Variants in TMTC2 observed in about 807,000 individuals in gnomAD.
TMTC2 encodes the protein protein O-mannosyl-transferase TMTC2.
In TMTC2, 43 loss-of-function variants were observed where a neutral mutation model predicts 82.4. That is an observed-to-expected ratio of 0.52 (90% CI 0.41 to 0.67). The LOEUF (loss-of-function observed/expected upper bound fraction) is 0.67. Among genes scored for constraint, TMTC2 ranks in the 30% least tolerant of loss-of-function variants. The pLI, the probability that TMTC2 is intolerant of heterozygous loss-of-function variation, is 0.00. For synonymous variants in TMTC2, 408 were observed against 381.9 expected, an observed-to-expected ratio of 1.07 and a Z score of -0.80; for missense variants, 919 against 1,012.4, an observed-to-expected ratio of 0.91 and a Z score of 1.25.
At chr12:82,819,968 C>T (rs992582997) in intron 1 of TMTC2, among the ~76,000 whole-genome samples, 4 of 152,130 alleles carry the variant, frequency 2.6e-5, no homozygotes, top group Non-Finnish European at 5.9e-5. Context: ...GAAGCTAGTC[C>T]AAGTCCCAAA....
chr12:82,982,007 C>CTT (rs755625157), intron 7 of TMTC2, among the ~76,000 whole-genome samples: 32 of 137,966 alleles, frequency 2.3e-4, no homozygotes, highest in African/African-American at 7.1e-4. Context: ...TTGACATTTG[C>CTT]TTTTTTTTTT....
intron 8 of TMTC2, among the ~76,000 whole-genome samples, chr12:83,002,840 A>T (rs952882242): frequency 6.6e-6 from 1 of 151,238 alleles, no homozygotes; most frequent in Non-Finnish European, 1.5e-5. Context: ...TCGCTCTTAG[A>T]GTATGTTCTA....
chr12:82,949,923 C>G (rs1434911091), intron 4 of TMTC2, among the ~76,000 whole-genome samples: 1 of 152,122 alleles, frequency 6.6e-6, no homozygotes, highest in Non-Finnish European at 1.5e-5. Flanking sequence ...TAGAGGTTGA[C>G]TGTCATTGGG....
intron 1 of TMTC2, among the ~76,000 whole-genome samples, chr12:82,846,168 G>A (rs1039912274): frequency 6.6e-6 from 1 of 152,014 alleles, no homozygotes; most frequent in Non-Finnish European, 1.5e-5. Context: ...AGACCAGCCT[G>A]GCCAACATGG....
intron 1 of TMTC2, among the ~76,000 whole-genome samples, chr12:82,775,863 T>C (rs1877564991): frequency 6.6e-6 from 1 of 151,948 alleles, no homozygotes; most frequent in South Asian, 2.1e-4. Flanking sequence ...CTTCGTTTGA[T>C]TTTTTCTCTG....
At chr12:82,913,366 T>A (rs1874810738) in intron 3 of TMTC2, among the ~76,000 whole-genome samples, 1 of 152,202 alleles carries the variant, frequency 6.6e-6, no homozygotes, top group South Asian at 2.1e-4. Flanking sequence ...CAGCTCATTC[T>A]CACATTGAGC....
In TMTC2 at chr12:82,798,013, C is replaced by T. The variant is rs1486868209; in HGVS notation, c.84-58997C>T. Among the ~76,000 whole-genome samples the T allele has an allele frequency of 2.0e-5, 3 of 148,296 alleles. 1 individual carries two copies. Among genetic ancestry groups the T allele is most frequent in the Non-Finnish European group, 4.5e-5 (3 of 67,314 alleles). On this transcript the variant is annotated intron_variant, in intron 1 of 11. Transcript: ENST00000321196. ...AGTGCAGTGGCGCGATCTCGGCTCA[C>T]TGCAAGCTCCGCCTCCCAGGTTCAC...
At chr12:83,022,460 A>G (rs111966688) in intron 8 of TMTC2, among the ~76,000 whole-genome samples, 1 of 146,068 alleles carries the variant, frequency 6.8e-6, no homozygotes, top group African/African-American at 2.5e-5. Context: ...TGTGTAAACT[A>G]AGGATTCCAC....
At chr12:83,103,733 A>G (rs1306384172) in intron 11 of TMTC2, among the ~76,000 whole-genome samples, 1 of 152,180 alleles carries the variant, frequency 6.6e-6, no homozygotes, top group Non-Finnish European at 1.5e-5. Context: ...ACTGCAAAAC[A>G]TAATCATGCC....
intron 3 of TMTC2, among the ~76,000 whole-genome samples, chr12:82,913,589 T>C (rs914572179): frequency 1.3e-5 from 2 of 152,194 alleles, no homozygotes; most frequent in Admixed American, 1.3e-4. Flanking sequence ...GTCATATTTT[T>C]TAATTGGTAA....
intron 2 of TMTC2, among the ~76,000 whole-genome samples, chr12:82,877,586 C>G (rs1872644657): frequency 6.6e-6 from 1 of 152,136 alleles, no homozygotes; most frequent in Non-Finnish European, 1.5e-5. Context: ...CTCTTTCTCC[C>G]TCTCTCATTT....
rs139584209 is a variant in TMTC2 at position 82,728,887 on chromosome 12, G to A, written c.83+41218G>A. 1.7e-3 allele frequency among the ~76,000 whole-genome samples: 264 copies of A among 152,336 alleles called. 2 individuals are homozygous for A. Among genetic ancestry groups the A allele is most frequent in the African/African-American group, 5.6e-3 (231 of 41,576 alleles). ...GAGCAGCCAGCCAGCCCGCTGCACT[G>A]GGCAGTGAGGAGCTTAGCACCTGGG... On this transcript the variant is annotated intron_variant, in intron 1 of 11. Transcript: ENST00000321196.
chr12:83,056,712 T>G (rs1882557936), intron 10 of TMTC2, among the ~76,000 whole-genome samples: 1 of 151,878 alleles, frequency 6.6e-6, no homozygotes, highest in Admixed American at 6.6e-5. Context: ...CACGCGAAAG[T>G]CACTGGATTT....
At chr12:82,942,159 A>G (rs1876758255) in intron 4 of TMTC2, among the ~76,000 whole-genome samples, 1 of 152,244 alleles carries the variant, frequency 6.6e-6, no homozygotes, top group South Asian at 2.1e-4. Flanking sequence ...TTGAAAACAT[A>G]TTTTAATTCA....
chr12:82,807,665 T>C (rs1879307488), intron 1 of TMTC2, among the ~76,000 whole-genome samples: 1 of 152,076 alleles, frequency 6.6e-6, no homozygotes, highest in African/African-American at 2.4e-5. Context: ...GGAAGCATCA[T>C]GTGAGGTAGA....
At chr12:83,057,837 AACT>A in intron 10 of TMTC2, among the ~76,000 whole-genome samples, 2 of 152,020 alleles carry the variant, frequency 1.3e-5, no homozygotes, top group Admixed American at 1.3e-4. Flanking sequence ...GACAATTCAC[AACT>A]ATCAATAATT....
chr12:83,032,290 T>C (rs1451877359), intron 9 of TMTC2, among the ~76,000 whole-genome samples: 2 of 111,526 alleles, frequency 1.8e-5, no homozygotes, highest in Non-Finnish European at 3.7e-5. Flanking sequence ...TATATATATA[T>C]ATATAGGTTT....
chr12:82,732,103 G>T (rs1874845429), intron 1 of TMTC2, among the ~76,000 whole-genome samples: 1 of 152,116 alleles, frequency 6.6e-6, no homozygotes, highest in African/African-American at 2.4e-5. Flanking sequence ...TGTTTTACAG[G>T]TGTTATATTT....
chr12:83,039,693 C>A (rs1343811625), intron 9 of TMTC2, among the ~76,000 whole-genome samples: 1 of 151,950 alleles, frequency 6.6e-6, no homozygotes, highest in Non-Finnish European at 1.5e-5. Context: ...CTTTACAGGG[C>A]CATTTGTGCT....
Sources: gnomAD v4.1 joint callset for allele counts (sites outside exome capture counted in the v4.1 genomes callset) on GRCh38, gnomAD v4.1.1 for gene constraint, MANE v1.5 for transcripts, NCBI Gene and HGNC (gene_info 2026-07-23, HGNC 2026-07-21) for gene names.